MACROD2: variants seen among roughly 807,000 people sequenced by gnomAD.
MACROD2 encodes the protein ADP-ribose glycohydrolase MACROD2.
MACROD2 carries 36 observed loss-of-function variants against 70.4 expected under a neutral mutation model. The observed-to-expected ratio is 0.51, with a 90% confidence interval of 0.39 to 0.68. The LOEUF (loss-of-function observed/expected upper bound fraction) is 0.68. Ranked by LOEUF, MACROD2 falls within the 30% of genes least tolerant of loss-of-function variation. The probability of loss-of-function intolerance (pLI) is 0.00; values close to 1 mark genes in which losing one functional copy is unlikely to be tolerated. For missense variants in MACROD2, 496 were observed against 538.4 expected (o/e 0.92, Z 0.78); for synonymous variants, 172 against 178.8 (o/e 0.96, Z 0.30).
intron 8 of MACROD2, among the ~76,000 whole-genome samples, chr20:15,573,528 A>G (rs1364579697): frequency 6.6e-6 from 1 of 152,186 alleles, no homozygotes; most frequent in African/African-American, 2.4e-5. Context: ...AGAGAGGCCA[A>G]GAACTCCCTT....
chr20:15,171,660 C>T (rs1183930159), intron 5 of MACROD2, among the ~76,000 whole-genome samples: 4 of 152,074 alleles, frequency 2.6e-5, no homozygotes, highest in Non-Finnish European at 5.9e-5. Flanking sequence ...ATTGTTTATA[C>T]TTCAGGTCTC....
intron 2 of MACROD2, among the ~76,000 whole-genome samples, chr20:14,077,757 T>G (rs1379681724): frequency 6.6e-6 from 1 of 152,172 alleles, no homozygotes; most frequent in Admixed American, 6.5e-5. Flanking sequence ...TTGATTTCTA[T>G]ATAAAGTTTT....
intron 8 of MACROD2, among the ~76,000 whole-genome samples, chr20:15,660,962 C>T (rs1217155064): frequency 2.6e-5 from 4 of 152,186 alleles, no homozygotes; most frequent in Non-Finnish European, 5.9e-5. Flanking sequence ...TAATCATTTG[C>T]ATCTGTTTTG....
At chr20:14,427,109 A>C (rs1264888255) in intron 3 of MACROD2, among the ~76,000 whole-genome samples, 1 of 151,808 alleles carries the variant, frequency 6.6e-6, no homozygotes, top group Non-Finnish European at 1.5e-5. Context: ...TTCACCCCTC[A>C]TTCCTCTCCA....
intron 4 of MACROD2, among the ~76,000 whole-genome samples, chr20:14,629,999 C>T (rs548501930): frequency 2.6e-5 from 4 of 151,914 alleles, no homozygotes; most frequent in African/African-American, 9.7e-5. Flanking sequence ...ATCTATCTAT[C>T]CATCCCCTTT....
At chr20:14,884,774 T>C (rs1019863698) in intron 5 of MACROD2, among the ~76,000 whole-genome samples, 3 of 152,152 alleles carry the variant, frequency 2.0e-5, no homozygotes, top group Admixed American at 2.0e-4. Flanking sequence ...AGCGTTAATA[T>C]TGAAACAGAA....
At chr20:14,677,538 T>C (rs1416398034) in intron 4 of MACROD2, among the ~76,000 whole-genome samples, 1 of 152,162 alleles carries the variant, frequency 6.6e-6, no homozygotes, top group Non-Finnish European at 1.5e-5. Context: ...CTGCAAGCAT[T>C]TTGGCCTTCT....
Position 13,995,692 on chromosome 20 carries a change from ACT to A in MACROD2, c.-70_-69del. The A allele has an allele frequency of 3.1e-6, 2 of 653,818 alleles. No homozygotes were observed. Among genetic ancestry groups the A allele is most frequent in the Non-Finnish European group, 5.4e-6 (2 of 370,684 alleles). 40.5% of individuals were successfully genotyped at this position (653,818 alleles called of 1,614,324 possible). A position where few individuals can be genotyped will look rare whatever the true frequency, so the allele number is the denominator to read the frequency against. On this transcript the variant is annotated 5_prime_UTR_variant, in exon 1 of 18. Transcript: ENST00000684519. This position sits in a 1 kb window ranked among gnomAD's most constrained non-coding sequence, Gnocchi z 4.3. The stretch of plus-strand genomic sequence containing the variant: ...CTGAGTGCCCCCTCCCACCCCTCCC[ACT>A]CCACACACACCCTGTTTGCCCGTGA...
At chr20:14,729,650 C>T (rs2071570744) in intron 5 of MACROD2, among the ~76,000 whole-genome samples, 1 of 152,084 alleles carries the variant, frequency 6.6e-6, no homozygotes, top group Non-Finnish European at 1.5e-5. Context: ...CAAAAACTCC[C>T]AAGCTAAATA....
chr20:15,516,511 G>A (rs1194380446), intron 8 of MACROD2, among the ~76,000 whole-genome samples: 1 of 152,174 alleles, frequency 6.6e-6, no homozygotes, highest in African/African-American at 2.4e-5. Context: ...AGGATAATGT[G>A]GAAAGTGCTA....
At chr20:15,174,581 T>A (rs1406074835) in intron 5 of MACROD2, among the ~76,000 whole-genome samples, 1 of 152,188 alleles carries the variant, frequency 6.6e-6, no homozygotes, top group Non-Finnish European at 1.5e-5. Flanking sequence ...ATCGCCACAC[T>A]GACTTCCACA....
At chr20:14,313,593 G>A (rs949835214) in intron 3 of MACROD2, among the ~76,000 whole-genome samples, 1 of 152,126 alleles carries the variant, frequency 6.6e-6, no homozygotes, top group African/African-American at 2.4e-5. Context: ...ATGTGCTTGT[G>A]AATTAGTGCA....
chr20:15,079,173 G>A (rs752838309), intron 5 of MACROD2, among the ~76,000 whole-genome samples: 34 of 148,830 alleles, frequency 2.3e-4, no homozygotes, highest in Non-Finnish European at 4.8e-4. Flanking sequence ...TTACTTGTAT[G>A]TCCTCAGATT....
intron 12 of MACROD2, 29 bp from the exon 13 acceptor site, chr20:15,967,524 G>T: frequency 6.3e-7 from 1 of 1,587,612 alleles, no homozygotes; most frequent in South Asian, 1.1e-5. Flanking sequence ...TAAAAATGCT[G>T]ACCAAAGGTT....
chr20:14,469,910 C>G (rs1271489959), intron 3 of MACROD2, among the ~76,000 whole-genome samples: 1 of 151,866 alleles, frequency 6.6e-6, no homozygotes, highest in East Asian at 2.0e-4. Flanking sequence ...TATTTCTCAC[C>G]CTCTGAAGCC....
At chr20:15,227,026 A>T (rs2076912486) in intron 5 of MACROD2, among the ~76,000 whole-genome samples, 1 of 152,144 alleles carries the variant, frequency 6.6e-6, no homozygotes, top group African/African-American at 2.4e-5. Flanking sequence ...GTCTAGCCTC[A>T]TATTGATTCA....
At chr20:14,374,048 T>G (rs1427011241) in intron 3 of MACROD2, among the ~76,000 whole-genome samples, 1 of 152,138 alleles carries the variant, frequency 6.6e-6, no homozygotes, top group African/African-American at 2.4e-5. Context: ...ATGACATTAT[T>G]TACTTGCGAT....
chr20:14,080,361 T>C (rs1354666994), intron 2 of MACROD2, among the ~76,000 whole-genome samples: 3 of 136,282 alleles, frequency 2.2e-5, no homozygotes, highest in Admixed American at 8.8e-5. Context: ...GAGAATGGCA[T>C]GAACCTGGGA....
chr20:15,800,498 G>T (rs2109536), intron 8 of MACROD2, among the ~76,000 whole-genome samples: 49,323 of 152,038 alleles, frequency 0.32, 9,261 homozygotes, highest in African/African-American at 0.52. Context: ...CCTCTGCATA[G>T]GGATATTCAG....
Sources: gnomAD v4.1 joint callset for allele counts (sites outside exome capture counted in the v4.1 genomes callset) on GRCh38, gnomAD v4.1.1 for gene constraint, Gnocchi (gnomAD v3.1) non-coding constraint, MANE v1.5 for transcripts, NCBI Gene and HGNC (gene_info 2026-07-23, HGNC 2026-07-21) for gene names.